The following RXFP1 variants were observed in gnomAD, a reference collection of about 807,000 sequenced individuals.
RXFP1 encodes the protein relaxin receptor 1.
Under a neutral mutation model 89.8 loss-of-function variants are expected in RXFP1, and 73 were observed. That is an observed-to-expected ratio of 0.81 (90% CI 0.67 to 0.99). The LOEUF is 0.99. Among genes scored for constraint, RXFP1 ranks in the 50% least tolerant of loss-of-function variants. The probability of loss-of-function intolerance (pLI) is 0.00; values close to 1 mark genes in which losing one functional copy is unlikely to be tolerated. For missense variants in RXFP1, 793 were observed against 895.5 expected (o/e 0.89, Z 1.46); for synonymous variants, 277 against 305.5 (o/e 0.91, Z 0.97).
At chr4:158,631,785 C>T (rs755263445) in intron 11 of RXFP1, among the ~76,000 whole-genome samples, 23 of 152,142 alleles carry the variant, frequency 1.5e-4, no homozygotes, top group Non-Finnish European at 2.4e-4. Flanking sequence ...AATGGCAAGA[C>T]ATTTGAATAT....
intron 3 of RXFP1, among the ~76,000 whole-genome samples, chr4:158,595,755 G>A (rs1026603935): frequency 6.6e-6 from 1 of 152,022 alleles, no homozygotes; most frequent in Non-Finnish European, 1.5e-5. Flanking sequence ...CAGTTTAAGG[G>A]GATAGACGTC....
intron 1 of RXFP1, among the ~76,000 whole-genome samples, chr4:158,536,270 T>C (rs1745258098): frequency 6.6e-6 from 1 of 152,216 alleles, no homozygotes; most frequent in Non-Finnish European, 1.5e-5. Context: ...TTTTACTCTC[T>C]CTATTTTAAT....
intron 1 of RXFP1, chr4:158,543,923 G>A (rs1045216409): frequency 1.8e-5 from 18 of 985,194 alleles, no homozygotes; most frequent in Non-Finnish European, 2.2e-5. Flanking sequence ...ACTGAATATC[G>A]ATATAGTAGT....
At chr4:158,565,541 A>G (rs1753377189) in intron 1 of RXFP1, among the ~76,000 whole-genome samples, 1 of 152,178 alleles carries the variant, frequency 6.6e-6, no homozygotes. Flanking sequence ...GGAAAATGCA[A>G]GATGATCCTG....
chr4:158,651,629 A>G, intron 17 of RXFP1, 128 bp from the exon 18 acceptor site: 1 of 638,536 alleles, frequency 1.6e-6, no homozygotes, highest in South Asian at 2.3e-5. Context: ...TTGGTATTTA[A>G]TTATGTGACA....
At chr4:158,553,277 GGATAATT>G (rs1325575117) in intron 1 of RXFP1, among the ~76,000 whole-genome samples, 63 of 152,216 alleles carry the variant, frequency 4.1e-4, no homozygotes, top group African/African-American at 1.5e-3. Flanking sequence ...CGATATAAGT[GGATAATT>G]GATAATTGAA....
At chr4:158,607,929 ACT>A in intron 5 of RXFP1, 41 bp from the exon 6 acceptor site, 1 of 1,337,898 alleles carries the variant, frequency 7.5e-7, no homozygotes, top group African/African-American at 1.6e-5. Context: ...CAAAAGTGAA[ACT>A]CTGCTTCATT....
intron 2 of RXFP1, among the ~76,000 whole-genome samples, chr4:158,592,264 T>C (rs1411993527): frequency 6.6e-6 from 1 of 152,212 alleles, no homozygotes; most frequent in Non-Finnish European, 1.5e-5. Flanking sequence ...ATGCCAGTCA[T>C]GTTTTCTTTC....
At chr4:158,528,630 C>T (rs1342483230) in intron 1 of RXFP1, among the ~76,000 whole-genome samples, 1 of 152,206 alleles carries the variant, frequency 6.6e-6, no homozygotes, top group Non-Finnish European at 1.5e-5. Flanking sequence ...AAAGATGCAG[C>T]CCTTTTCATC....
intron 13 of RXFP1, among the ~76,000 whole-genome samples, chr4:158,638,997 T>C (rs1487702608): frequency 6.6e-6 from 1 of 152,120 alleles, no homozygotes; most frequent in Non-Finnish European, 1.5e-5. Flanking sequence ...CACACATATT[T>C]ATTGATTAGT....
chr4:158,624,196 G>A (rs182025416), intron 9 of RXFP1, among the ~76,000 whole-genome samples: 1 of 152,252 alleles, frequency 6.6e-6, no homozygotes, highest in East Asian at 1.9e-4. Context: ...GCCTAAAACA[G>A]GAGAAGGGTC....
rs373830547 is a variant in RXFP1, at chr4:158,608,094, T to G, written c.536+51T>G. 708 of 1,223,342 alleles carry G rather than the reference T, an allele frequency of 5.8e-4. 7 individuals are homozygous for G. In the South Asian group the frequency reaches 8.2e-3, roughly 14 times the overall value. 75.8% of individuals were successfully genotyped at this position (1,223,342 alleles called of 1,614,324 possible). A position where few individuals can be genotyped will look rare whatever the true frequency, so the allele number is the denominator to read the frequency against. On this transcript the variant is annotated intron_variant, in intron 6 of 17. Transcript: ENST00000307765. The stretch of plus-strand genomic sequence containing the variant: ...CCCATTCCATGGTAGTCTGACAGCC[T>G]AGACTATTCCAATCCAGACCAGCCT...
intron 1 of RXFP1, among the ~76,000 whole-genome samples, chr4:158,567,880 A>C (rs764712398): frequency 6.6e-6 from 1 of 152,250 alleles, no homozygotes; most frequent in Non-Finnish European, 1.5e-5. Flanking sequence ...CAGCAGTGGC[A>C]ACCCGCTCGG....
At chr4:158,521,855 T>A, upstream of RXFP1, 1 of 592,224 alleles carries the variant, frequency 1.7e-6, no homozygotes, top group South Asian at 2.2e-5. Flanking sequence ...GAGGGAGGAC[T>A]GCTTTGTAAC....
chr4:158,573,108 A>T (rs1755464775), intron 2 of RXFP1: 1 of 253,314 alleles, frequency 3.9e-6, no homozygotes, highest in African/African-American at 2.3e-5. Context: ...TCCTGGGTTC[A>T]AGTGATTCTC....
intron 6 of RXFP1, among the ~76,000 whole-genome samples, chr4:158,610,189 TG>T (rs963812093): frequency 7.2e-4 from 110 of 152,118 alleles, no homozygotes; most frequent in Non-Finnish European, 2.9e-4. Context: ...CGCTTGAACC[TG>T]GGGGGCGGAG....
At chr4:158,648,169 A>G (rs1379243710) in intron 16 of RXFP1, among the ~76,000 whole-genome samples, 1 of 151,744 alleles carries the variant, frequency 6.6e-6, no homozygotes, top group Non-Finnish European at 1.5e-5. Flanking sequence ...GCAAGAACCC[A>G]TCTCTAAAAA....
intron 2 of RXFP1, among the ~76,000 whole-genome samples, chr4:158,574,457 A>G (rs1303875603): frequency 6.6e-6 from 1 of 152,208 alleles, no homozygotes; most frequent in Admixed American, 6.5e-5. Context: ...TGTAACTGAA[A>G]CTTAGGTTGT....
At chr4:158,563,103 A>T (rs1752836025) in intron 1 of RXFP1, among the ~76,000 whole-genome samples, 1 of 152,148 alleles carries the variant, frequency 6.6e-6, no homozygotes, top group Non-Finnish European at 1.5e-5. Context: ...CAGGGAAGGG[A>T]TTTATGACAG....
Sources: allele counts gnomAD v4.1 joint callset (sites outside exome capture counted in the v4.1 genomes callset), GRCh38; gene constraint gnomAD v4.1.1; transcripts MANE v1.5; gene names NCBI Gene and HGNC (gene_info 2026-07-23, HGNC 2026-07-21).